PDZD2: variants seen among roughly 807,000 people sequenced by gnomAD.
PDZD2 encodes the protein PDZ domain-containing protein 2.
Under a neutral mutation model 220.7 loss-of-function variants are expected in PDZD2, and 90 were observed. That is an observed-to-expected ratio of 0.41 (90% CI 0.34 to 0.49). PDZD2 has a LOEUF of 0.49. Ranked by LOEUF, PDZD2 falls within the 20% of genes least tolerant of loss-of-function variation. The pLI, the probability that PDZD2 is intolerant of heterozygous loss-of-function variation, is 0.28. For synonymous variants in PDZD2, 1,375 were observed against 1,450.5 expected (o/e 0.95, Z 1.18); for missense variants, 3,174 against 3,608.5 (o/e 0.88, Z 3.08).
rs1048329879 is a variant in PDZD2, at chr5:31,664,183, T to G, written c.-361+24746T>G. On this transcript the variant is annotated intron_variant, in intron 1 of 24. Coordinates refer to ENST00000438447, the MANE Select transcript of PDZD2 (RefSeq NM_178140.4). ...TCCAAGTTTTGTTTTGTTTTGTTTT[T>G]TTGAGATGGGGGTCTTGCTGTGTTG... Among the ~76,000 whole-genome samples the G allele has an allele frequency of 5.9e-5, 9 of 152,096 alleles. No individual in the cohort carries two copies. The East Asian group carries it at 1.2e-3, about 20-fold the overall frequency.
chr5:31,870,048 CTCA>C (rs1426916280), intron 2 of PDZD2, among the ~76,000 whole-genome samples: 2 of 152,154 alleles, frequency 1.3e-5, no homozygotes, highest in Non-Finnish European at 2.9e-5. Context: ...GCCAGCTGAC[CTCA>C]TCATGTTGGC....
chr5:31,829,843 A>G (rs1756457290), intron 2 of PDZD2, among the ~76,000 whole-genome samples: 1 of 151,838 alleles, frequency 6.6e-6, no homozygotes, highest in African/African-American at 2.4e-5. Context: ...ACTTGAGGTC[A>G]GGAGTTCAAC....
chr5:31,968,682 AC>A (rs1424573972), intron 2 of PDZD2, among the ~76,000 whole-genome samples: 2 of 152,076 alleles, frequency 1.3e-5, no homozygotes, highest in African/African-American at 2.4e-5. Context: ...AACAAAAAAA[AC>A]AACCAGACTC....
At chr5:31,975,754 T>G (rs990652359) in intron 2 of PDZD2, among the ~76,000 whole-genome samples, 6 of 150,296 alleles carry the variant, frequency 4.0e-5, no homozygotes, top group African/African-American at 7.3e-5. Flanking sequence ...TCGATTATCT[T>G]CAGGAAAGGT....
chr5:31,710,968 G>GA (rs1208959763), intron 1 of PDZD2, among the ~76,000 whole-genome samples: 1 of 152,116 alleles, frequency 6.6e-6, no homozygotes, highest in East Asian at 1.9e-4. Context: ...GTTGTAAAAA[G>GA]AAAAAAGACA....
Position 31,944,815 on chromosome 5 carries a change from G to A in PDZD2, c.477-38340G>A, listed in dbSNP as rs1227183658. ...GCTGCAGCTGCGCCTTGGAGGGGCC[G>A]CTTCCTGGCCTCATGGCCCATGTGC... On this transcript the variant is annotated intron_variant, in intron 2 of 24. Transcript: ENST00000438447. Among the ~76,000 whole-genome samples, 8 of 152,324 alleles carry A rather than the reference G, an allele frequency of 5.3e-5. No homozygotes were observed. The South Asian group carries it at 8.3e-4, about 16-fold the overall frequency.
Position 31,983,324 on chromosome 5 carries a change from A to G in PDZD2, c.646A>G (p.Thr216Ala). 1 of 1,614,186 alleles carries G rather than the reference A, an allele frequency of 6.2e-7. No homozygotes were observed. The highest frequency in any genetic ancestry group is 8.5e-7 in the Non-Finnish European group (1 of 1,180,016). Residue 216 changes from threonine to alanine, a missense_variant, in exon 3 of 25, where the codon ACC becomes GCC. Physicochemically the swap from Thr to Ala is moderately conservative, Grantham distance 58 (BLOSUM62 0). This residue lies in a region of PDZD2 where 632 missense variants were observed against 708.1 expected (regional missense o/e 0.89). Transcript: ENST00000438447. ...CCGAACTGCGAAAAAGGGGAAACGA[A>G]CCAGAAAGTTTGGGGTCATCTCCAG... ...GDRTAKKGKRTRKFGVISRPP... is the reference protein window; with the variant it reads ...GDRTAKKGKRARKFGVISRPP...
chr5:31,653,121 A>G (rs115143252), intron 1 of PDZD2, among the ~76,000 whole-genome samples: 2,366 of 152,210 alleles, frequency 0.016, 26 homozygotes, highest in Non-Finnish European at 0.02. Flanking sequence ...TTGCTGATAG[A>G]TATGTATATC....
At chr5:31,730,906 A>G (rs978041412) in intron 1 of PDZD2, among the ~76,000 whole-genome samples, 1 of 152,174 alleles carries the variant, frequency 6.6e-6, no homozygotes, top group Non-Finnish European at 1.5e-5. Context: ...GAAATAATTG[A>G]TTTTGAGGCC....
chr5:31,763,166 GTCT>G (rs555038892), intron 1 of PDZD2, among the ~76,000 whole-genome samples: 26 of 152,292 alleles, frequency 1.7e-4, no homozygotes, highest in African/African-American at 5.5e-4. Context: ...AGGGCTCTGA[GTCT>G]AGCCCTCAGG....
Position 31,674,536 on chromosome 5 carries a change from G to A in PDZD2, c.-361+35099G>A, listed in dbSNP as rs78609382. Among the ~76,000 whole-genome samples the A allele has an allele frequency of 6.2e-3, 945 of 152,278 alleles. 8 individuals are homozygous for A. Among genetic ancestry groups the A allele is most frequent in the African/African-American group, 0.022 (903 of 41,552 alleles). ...TGTGAAAGCCAGATGTCTAGAAACC[G>A]CTGAATTGGGCAATTAGAACAGTGA... On this transcript the variant is annotated intron_variant, in intron 1 of 24. Coordinates refer to ENST00000438447, the MANE Select transcript of PDZD2 (RefSeq NM_178140.4).
intron 2 of PDZD2, among the ~76,000 whole-genome samples, chr5:31,918,996 T>G (rs1743928977): frequency 6.6e-6 from 1 of 152,228 alleles, no homozygotes; most frequent in Non-Finnish European, 1.5e-5. Flanking sequence ...GCTCTCTGTT[T>G]TCATTTCCCA....
chr5:31,703,766 CA>C (rs1436360377), intron 1 of PDZD2, among the ~76,000 whole-genome samples: 1 of 152,200 alleles, frequency 6.6e-6, no homozygotes, highest in Non-Finnish European at 1.5e-5. Context: ...CGCCTGTCCC[CA>C]AAGTGATGCC....
intron 1 of PDZD2, among the ~76,000 whole-genome samples, chr5:31,659,090 T>C (rs1178431134): frequency 6.6e-6 from 1 of 152,166 alleles, no homozygotes; most frequent in Non-Finnish European, 1.5e-5. Context: ...TTTATGAAAC[T>C]CTATTCTCCT....
chr5:31,680,134 CT>C (rs1746596636), intron 1 of PDZD2, among the ~76,000 whole-genome samples: 1 of 152,164 alleles, frequency 6.6e-6, no homozygotes, highest in African/African-American at 2.4e-5. Context: ...TTCATTTGCT[CT>C]TTAATTCATT....
intron 8 of PDZD2, among the ~76,000 whole-genome samples, chr5:32,051,711 A>C (rs931808162): frequency 6.6e-6 from 1 of 152,184 alleles, no homozygotes; most frequent in Non-Finnish European, 1.5e-5. Flanking sequence ...GCTGCGTGTC[A>C]GGAAGGGAAA....
chr5:31,903,785 G>A (rs1430990581), intron 2 of PDZD2, among the ~76,000 whole-genome samples: 5 of 151,948 alleles, frequency 3.3e-5, no homozygotes, highest in African/African-American at 7.3e-5. Flanking sequence ...GTGTAATGGC[G>A]TGATCTCTGC....
intron 2 of PDZD2, among the ~76,000 whole-genome samples, chr5:31,801,777 T>G (rs1754405031): frequency 6.6e-6 from 1 of 152,156 alleles, no homozygotes; most frequent in African/African-American, 2.4e-5. Flanking sequence ...TATAAAGGGC[T>G]CAGCACTATG....
In PDZD2 at chr5:32,073,966, A is replaced by C; in HGVS notation, c.2860A>C (p.Asn954His). ...CCCCGGAAGCCCACAGGCCCTCCGAAACCCTCTCCTCCGCCAGAGGAAGGT... is the reference window on the plus strand; with the variant it reads ...CCCCGGAAGCCCACAGGCCCTCCGACACCCTCTCCTCCGCCAGAGGAAGGT... Reference protein sequence around the residue: ...SLPGSPQALRNPLLRQRKVGC... With the variant: ...SLPGSPQALRHPLLRQRKVGC... The change falls in exon 18 of 25, where the codon AAC becomes CAC. Residue 954 changes from asparagine (N) to histidine (H), a missense_variant. Physicochemically the swap from Asn to His is moderately conservative, Grantham distance 68. Coordinates refer to ENST00000438447, the MANE Select transcript of PDZD2 (RefSeq NM_178140.4). The C allele has an allele frequency of 6.2e-7, 1 of 1,614,154 alleles. No homozygotes were observed. Among genetic ancestry groups the C allele is most frequent in the Non-Finnish European group, 8.5e-7 (1 of 1,180,020 alleles).
Sources: gnomAD v4.1 joint callset for allele counts (sites outside exome capture counted in the v4.1 genomes callset) on GRCh38, gnomAD v4.1.1 for gene constraint, gnomAD v4.1.1 regional missense constraint, MANE v1.5 for transcripts, NCBI Gene and HGNC (gene_info 2026-07-23, HGNC 2026-07-21) for gene names.